FILIP1: variants seen among roughly 807,000 people sequenced by gnomAD.
The protein encoded by FILIP1 is filamin-A-interacting protein 1.
FILIP1 carries 61 observed loss-of-function variants against 102.1 expected under a neutral mutation model. That is an observed-to-expected ratio of 0.60 (90% CI 0.49 to 0.74). FILIP1 has a LOEUF of 0.74. Among genes scored for constraint, FILIP1 ranks in the 30% least tolerant of loss-of-function variants. The probability of loss-of-function intolerance (pLI) is 0.00; values close to 1 mark genes in which losing one functional copy is unlikely to be tolerated. For synonymous variants in FILIP1, 491 were observed against 526.9 expected (o/e 0.93, Z 0.93); for missense variants, 1,314 against 1,441.2 (o/e 0.91, Z 1.43).
At chr6:75,453,961 A>G in intron 1 of FILIP1, 1 of 456,728 alleles carries the variant, frequency 2.2e-6, no homozygotes, top group Non-Finnish European at 4.4e-6. Context: ...TTAGTTTTCT[A>G]TTGCTGCCAT....
At chr6:75,433,333 C>A (rs1201873580) in intron 1 of FILIP1, among the ~76,000 whole-genome samples, 1 of 152,212 alleles carries the variant, frequency 6.6e-6, no homozygotes, top group Non-Finnish European at 1.5e-5. Flanking sequence ...TCCTTTCCAG[C>A]AACTGTTGTT....
At chr6:75,363,063 T>C (rs1311174776) in intron 2 of FILIP1, 146 bp from the exon 3 acceptor site, 2 of 716,360 alleles carry the variant, frequency 2.8e-6, no homozygotes, top group East Asian at 5.2e-5. Context: ...CTAATTTTTT[T>C]TTTTAACCAA....
chr6:75,385,651 T>C (rs915341240), intron 2 of FILIP1: 7 of 152,184 alleles, frequency 4.6e-5, no homozygotes, highest in African/African-American at 1.4e-4. Flanking sequence ...CTTCTTTCCA[T>C]ATGCAGATCC....
intron 3 of FILIP1, chr6:75,357,496 C>T (rs778226293): frequency 6.6e-5 from 10 of 152,344 alleles, no homozygotes; most frequent in Admixed American, 2.0e-4. Context: ...GTAATGTTCA[C>T]CTCACCAACA....
chr6:75,382,329 T>C (rs1775930526), intron 2 of FILIP1, among the ~76,000 whole-genome samples: 1 of 152,196 alleles, frequency 6.6e-6, no homozygotes, highest in Non-Finnish European at 1.5e-5. Flanking sequence ...CAATGTACTT[T>C]GAAGTAGATA....
chr6:75,387,100 T>C (rs1776122728), intron 2 of FILIP1, among the ~76,000 whole-genome samples: 2 of 152,158 alleles, frequency 1.3e-5, no homozygotes, highest in South Asian at 2.1e-4. Context: ...CTCCCACTTA[T>C]GAGTGAGAAC....
chr6:75,483,882 G>A (rs1275416217), intron 1 of FILIP1, among the ~76,000 whole-genome samples: 2 of 152,140 alleles, frequency 1.3e-5, no homozygotes, highest in Non-Finnish European at 2.9e-5. Flanking sequence ...CTTGCTGGGG[G>A]CTGGGGGGAG....
downstream of FILIP1, among the ~76,000 whole-genome samples, chr6:75,304,203 A>ATTATTTATTTATTT (rs1388949069): frequency 2.0e-5 from 3 of 151,982 alleles, no homozygotes; most frequent in African/African-American, 4.8e-5. Context: ...AGTAATATTT[A>ATTATTTATTTATTT]TTATTTATTT....
intron 4 of FILIP1, among the ~76,000 whole-genome samples, chr6:75,338,134 A>G (rs73453748): frequency 0.018 from 2,777 of 152,310 alleles, 76 homozygotes; most frequent in East Asian, 0.11. Context: ...CTCTTATATG[A>G]TATTAGGAGC....
At chr6:75,413,142 A>G (rs1409679669) in intron 2 of FILIP1, among the ~76,000 whole-genome samples, 3 of 152,190 alleles carry the variant, frequency 2.0e-5, no homozygotes, top group Non-Finnish European at 2.9e-5. Context: ...ATGATGTAAT[A>G]GCATTACGCA....
intron 4 of FILIP1, among the ~76,000 whole-genome samples, chr6:75,326,929 T>C (rs1030442261): frequency 1.3e-5 from 2 of 152,194 alleles, no homozygotes; most frequent in Non-Finnish European, 2.9e-5. Context: ...TAGCATTGTG[T>C]CAATGGCAAG....
intron 2 of FILIP1, among the ~76,000 whole-genome samples, chr6:75,396,555 G>A (rs1208633916): frequency 2.6e-5 from 4 of 152,010 alleles, no homozygotes; most frequent in Non-Finnish European, 4.4e-5. Flanking sequence ...CCACTATCTC[G>A]TGATGGTAGA....
chr6:75,463,738 T>G (rs1779089580), intron 1 of FILIP1, among the ~76,000 whole-genome samples: 1 of 152,242 alleles, frequency 6.6e-6, no homozygotes, highest in Non-Finnish European at 1.5e-5. Context: ...ATGTTTCTTA[T>G]CTTAGTTTAT....
rs554190465 is a variant in FILIP1 at position 75,475,200 on chromosome 6, C to A, written c.-7+18214G>T. On this transcript the variant is annotated intron_variant, in intron 1 of 5. Coordinates refer to ENST00000237172, the MANE Select transcript of FILIP1 (RefSeq NM_015687.5). The stretch of plus-strand genomic sequence containing the variant: ...ATTAAAATTTTTCAATAAAGCATAT[C>A]TTAAATATAAATCAATGCTTATTTG... Among the ~76,000 whole-genome samples, 430 of 152,294 alleles carry A rather than the reference C, an allele frequency of 2.8e-3. 7 individuals carry two copies. The highest frequency in any genetic ancestry group is 4.9e-3 in the Non-Finnish European group (336 of 68,024).
At position 75,372,695 on chromosome 6, in the gene FILIP1, G is replaced by GAGAA. The variant is rs1327606591; in HGVS notation, c.277-9782_277-9779dup. 3.5e-4 allele frequency among the ~76,000 whole-genome samples: 10 copies of GAGAA among 28,382 alleles called. 1 individual carries two copies. The highest frequency in any genetic ancestry group is 1.6e-3 in the African/African-American group (8 of 4,874). The allele number at this position is 28,382 out of a possible 152,430, so 18.6% of individuals were successfully genotyped here. On this transcript the variant is annotated intron_variant, in intron 2 of 5. Coordinates refer to ENST00000237172, the MANE Select transcript of FILIP1 (RefSeq NM_015687.5). ...AAAGAAAGAAAGAAAGAGAAAGAAA[G>GAGAA]AGAAAGAAAGAAAGAAAGGAAAGAA...
At chr6:75,329,268 G>C (rs1303275196) in intron 4 of FILIP1, among the ~76,000 whole-genome samples, 1 of 152,170 alleles carries the variant, frequency 6.6e-6, no homozygotes, top group African/African-American at 2.4e-5. Flanking sequence ...TTGGAATAAA[G>C]TGGTGTAAGA....
intron 1 of FILIP1, among the ~76,000 whole-genome samples, chr6:75,463,169 C>T (rs948158683): frequency 1.3e-5 from 2 of 152,162 alleles, no homozygotes; most frequent in East Asian, 1.9e-4. Flanking sequence ...GGCGTATGTG[C>T]GGATCTTAGA....
At position 75,312,594 on chromosome 6, in the gene FILIP1, C is replaced by A; in HGVS notation, c.3238G>T (p.Gly1080Trp). 6.2e-7 allele frequency: 1 copy of A among 1,614,170 alleles called. No individual in the cohort carries two copies. The change falls in exon 5 of 6, where the codon GGG (glycine) becomes TGG (tryptophan). Residue 1080 changes from glycine (G) to tryptophan (W), a missense_variant. Transcript: ENST00000237172. ...HLGSQFKRSP[G>W]TSGEGVSPVI... Reference sequence around the variant, plus strand: ...GGACTGACTCCTTCACCTGAAGTCCCAGGGGACCGTTTAAACTGAGACCCT... The same window carrying A: ...GGACTGACTCCTTCACCTGAAGTCCAAGGGGACCGTTTAAACTGAGACCCT...
At chr6:75,298,477 A>G (rs1185220853) in intron 6 of FILIP1, among the ~76,000 whole-genome samples, 1 of 152,220 alleles carries the variant, frequency 6.6e-6, no homozygotes, top group South Asian at 2.1e-4. Context: ...TAAAATCTGT[A>G]TGATACTGGC....
Sources: gnomAD v4.1 joint callset for allele counts (sites outside exome capture counted in the v4.1 genomes callset) on GRCh38, gnomAD v4.1.1 for gene constraint, MANE v1.5 for transcripts, NCBI Gene and HGNC (gene_info 2026-07-23, HGNC 2026-07-21) for gene names.